ABTB2: variants seen among roughly 807,000 people sequenced by gnomAD.
ABTB2 encodes the protein ankyrin repeat and BTB domain containing 2.
ABTB2 carries 56 observed loss-of-function variants against 104.1 expected under a neutral mutation model. That is an observed-to-expected ratio of 0.54 (90% CI 0.43 to 0.67). The LOEUF (loss-of-function observed/expected upper bound fraction) is 0.67, where lower values mean the gene tolerates loss of function less well. Among genes scored for constraint, ABTB2 ranks in the 30% least tolerant of loss-of-function variants. ABTB2 has a pLI of 0.00. For synonymous variants in ABTB2, 606 were observed against 608.2 expected (o/e 1.00, Z 0.05); for missense variants, 1,279 against 1,407.7 (o/e 0.91, Z 1.46).
Position 34,189,615 on chromosome 11 carries a change from C to G in ABTB2, c.1244+7710G>C, listed in dbSNP as rs147406940. Among the ~76,000 whole-genome samples the G allele has an allele frequency of 5.8e-3, 884 of 152,260 alleles. 14 individuals are homozygous for G. Among genetic ancestry groups the G allele is most frequent in the Non-Finnish European group, 9.0e-3 (609 of 68,032 alleles). On this transcript the variant is annotated intron_variant, in intron 3 of 16. Coordinates refer to ENST00000435224, the MANE Select transcript of ABTB2 (RefSeq NM_145804.3). Reference sequence around the variant, plus strand: ...GACCCTGTCTCAACAACAACAACCACTCAACTAATTTTTATGTTTTTAAAG... The same window carrying G: ...GACCCTGTCTCAACAACAACAACCAGTCAACTAATTTTTATGTTTTTAAAG...
Position 34,152,430 on chromosome 11 carries a change from A to G in ABTB2, c.3035T>C (p.Leu1012Pro). 6.3e-7 allele frequency: 1 copy of G among 1,593,754 alleles called. No homozygotes were observed. Among genetic ancestry groups the G allele is most frequent in the Non-Finnish European group, 8.5e-7 (1 of 1,171,462 alleles). ...GTAGACAGAGTGCACGCGCTCTGCCAGGGTGTTCTGCAGGTCCTGCAGTGG... is the reference window on the plus strand; with the variant it reads ...GTAGACAGAGTGCACGCGCTCTGCCGGGGTGTTCTGCAGGTCCTGCAGTGG... ...LDPLQDLQNTLAERVHSVYIT... is the reference protein window; with the variant it reads ...LDPLQDLQNTPAERVHSVYIT... The change falls in exon 17 of 17, where the codon CTG (leucine) becomes CCG (proline). Residue 1012 changes from leucine to proline, a missense_variant. Coordinates refer to ENST00000435224, the MANE Select transcript of ABTB2 (RefSeq NM_145804.3).
At chr11:34,248,782 G>A (rs369229971) in intron 1 of ABTB2, among the ~76,000 whole-genome samples, 1 of 152,330 alleles carries the variant, frequency 6.6e-6, no homozygotes, top group African/African-American at 2.4e-5. Context: ...AAATCTATGG[G>A]AGCAGTCACA....
chr11:34,342,684 G>A (rs1855275374), intron 1 of ABTB2, among the ~76,000 whole-genome samples: 1 of 152,180 alleles, frequency 6.6e-6, no homozygotes, highest in Non-Finnish European at 1.5e-5. Context: ...TCTGTGCTGG[G>A]TATCAGAGTT....
chr11:34,220,671 T>C lies in ABTB2; in HGVS notation c.884-15981A>G, dbSNP rs145859065. 6.2e-3 allele frequency among the ~76,000 whole-genome samples: 944 copies of C among 152,228 alleles called. 12 individuals carry two copies. Among genetic ancestry groups the C allele is most frequent in the African/African-American group, 0.021 (871 of 41,532 alleles). On this transcript the variant is annotated intron_variant, in intron 1 of 16. Transcript: ENST00000435224. ...CTCTCTCGCAGTCTCACCCAGCAGC[T>C]AAAAGACACCAGGCACTGCCTATCC...
At chr11:34,233,834 AT>A (rs1853806783) in intron 1 of ABTB2, among the ~76,000 whole-genome samples, 1 of 152,132 alleles carries the variant, frequency 6.6e-6, no homozygotes, top group South Asian at 2.1e-4. Context: ...TAACCTATCA[AT>A]TTTTTAAAAT....
chr11:34,334,908 A>G (rs1336660601), intron 1 of ABTB2, among the ~76,000 whole-genome samples: 1 of 152,144 alleles, frequency 6.6e-6, no homozygotes, highest in African/African-American at 2.4e-5. Flanking sequence ...CAACCTATAC[A>G]ATGTGGGTGT....
At chr11:34,281,735 C>G (rs181596123) in intron 1 of ABTB2, among the ~76,000 whole-genome samples, 3 of 152,310 alleles carry the variant, frequency 2.0e-5, no homozygotes, top group Non-Finnish European at 2.9e-5. Context: ...GAAGCTACAT[C>G]GCAGGATGGA....
chr11:34,326,841 A>G (rs1310745664), intron 1 of ABTB2, among the ~76,000 whole-genome samples: 1 of 152,194 alleles, frequency 6.6e-6, no homozygotes, highest in Non-Finnish European at 1.5e-5. Flanking sequence ...AGGCTGAGGC[A>G]GGCAGATCAT....
At chr11:34,153,792 C>T (rs1590199393) in intron 16 of ABTB2, among the ~76,000 whole-genome samples, 1 of 152,140 alleles carries the variant, frequency 6.6e-6, no homozygotes, top group East Asian at 1.9e-4. Context: ...GTGGAGAAAC[C>T]GCTGGTGTGT....
chr11:34,353,157 G>A (rs1349679226), intron 1 of ABTB2, among the ~76,000 whole-genome samples: 3 of 152,190 alleles, frequency 2.0e-5, no homozygotes, highest in Non-Finnish European at 4.4e-5. Context: ...TTACCACTAG[G>A]ATAGAGCAAT....
intron 1 of ABTB2, among the ~76,000 whole-genome samples, chr11:34,290,249 C>T (rs570286725): frequency 8.5e-5 from 13 of 152,306 alleles, no homozygotes; most frequent in South Asian, 2.1e-4. Flanking sequence ...TTCCCTTGCA[C>T]GATCCCATGA....
At chr11:34,205,537 C>A (rs1327489057) in intron 1 of ABTB2, among the ~76,000 whole-genome samples, 1 of 152,124 alleles carries the variant, frequency 6.6e-6, no homozygotes, top group East Asian at 1.9e-4. Flanking sequence ...ATAGGGATTC[C>A]CAACTTTTGG....
intron 1 of ABTB2, among the ~76,000 whole-genome samples, chr11:34,263,555 C>G (rs1468484553): frequency 6.6e-6 from 1 of 152,128 alleles, no homozygotes; most frequent in Non-Finnish European, 1.5e-5. Flanking sequence ...CAAAGCTTAT[C>G]TGGATTGGAA....
Position 34,151,478 on chromosome 11 carries a change from C to CATTA in ABTB2, c.*905_*908dup, listed in dbSNP as rs1387363111. On this transcript the variant is annotated 3_prime_UTR_variant, in exon 17 of 17. Transcript: ENST00000435224. Reference sequence around the variant, plus strand: ...CCTGTTTGCCCAGCTCTCAATCCTACATTAAAGGAGCCGAGAGACTTGACC... The same window carrying CATTA: ...CCTGTTTGCCCAGCTCTCAATCCTACATTAATTAAAGGAGCCGAGAGACTTGACC... The CATTA allele has an allele frequency of 6.6e-6, 1 of 152,252 alleles. No homozygotes were observed. Among genetic ancestry groups the CATTA allele is most frequent in the African/African-American group, 2.4e-5 (1 of 41,456 alleles). 9.4% of individuals were successfully genotyped at this position (152,252 alleles called of 1,614,324 possible).
intron 1 of ABTB2, among the ~76,000 whole-genome samples, chr11:34,239,788 G>A (rs1441643398): frequency 6.6e-6 from 1 of 152,154 alleles, no homozygotes; most frequent in South Asian, 2.1e-4. Flanking sequence ...GACATTTGGG[G>A]GGCCAACTGC....
chr11:34,254,030 A>T (rs1266927316), intron 1 of ABTB2, among the ~76,000 whole-genome samples: 1 of 152,124 alleles, frequency 6.6e-6, no homozygotes, highest in African/African-American at 2.4e-5. Flanking sequence ...GTGTAACAGT[A>T]CCCACAGCTT....
intron 1 of ABTB2, among the ~76,000 whole-genome samples, chr11:34,343,460 C>T (rs372957772): frequency 1.7e-5 from 1 of 59,082 alleles, no homozygotes; most frequent in African/African-American, 1.9e-4. Context: ...GACAGACAGA[C>T]ACACACACAC....
Position 34,160,894 on chromosome 11 carries a change from C to T in ABTB2, c.2397+9G>A, listed in dbSNP as rs1243548398. 1.3e-6 allele frequency: 2 copies of T among 1,594,526 alleles called. No homozygotes were observed. The highest frequency in any genetic ancestry group is 1.7e-5 in the Admixed American group (1 of 58,302). ...GTGGGCTTGGGAACTGGCCACTGGC[C>T]ACACTTACTTTGCTGGTCTTGAGGA... On this transcript the variant is annotated intron_variant, in intron 11 of 16. Coordinates refer to ENST00000435224, the MANE Select transcript of ABTB2 (RefSeq NM_145804.3).
At chr11:34,275,633 A>G (rs928353030) in intron 1 of ABTB2, among the ~76,000 whole-genome samples, 5 of 152,210 alleles carry the variant, frequency 3.3e-5, no homozygotes, top group African/African-American at 7.2e-5. Flanking sequence ...CCTCCACTCA[A>G]TGTGGATCCC....
Sources: gnomAD v4.1 joint callset for allele counts (sites outside exome capture counted in the v4.1 genomes callset) on GRCh38, gnomAD v4.1.1 for gene constraint, MANE v1.5 for transcripts, NCBI Gene and HGNC (gene_info 2026-07-23, HGNC 2026-07-21) for gene names.